The following XPA variants were observed in gnomAD, a reference collection of about 807,000 sequenced individuals.
The protein encoded by XPA is XPA, DNA damage recognition and repair factor, also known as DNA repair protein complementing XP-A cells.
A neutral mutation model predicts 35.7 loss-of-function variants in XPA; 27 were observed. That is an observed-to-expected ratio of 0.76 (90% CI 0.56 to 1.04). The LOEUF is 1.04. Among genes scored for constraint, XPA ranks in the 50% least tolerant of loss-of-function variants. The pLI is 0.00. For missense variants in XPA, 354 were observed against 342.7 expected, an observed-to-expected ratio of 1.03 and a Z score of -0.26; for synonymous variants, 133 against 118.4, an observed-to-expected ratio of 1.12 and a Z score of -0.80.
At chr9:97,680,352 G>A (rs996361866) in intron 5 of XPA, among the ~76,000 whole-genome samples, 2 of 152,094 alleles carry the variant, frequency 1.3e-5, no homozygotes. Context: ...GGGACTACAG[G>A]CACACACCAT....
intron 5 of XPA, among the ~76,000 whole-genome samples, chr9:97,680,937 T>C (rs925655359): frequency 2.6e-5 from 4 of 152,206 alleles, no homozygotes; most frequent in Non-Finnish European, 5.9e-5. Flanking sequence ...CCTAGTTCCA[T>C]TGGCCTAGAA....
chr9:97,682,571 C>CGT, intron 5 of XPA: 1 of 429,670 alleles, frequency 2.3e-6, no homozygotes. Flanking sequence ...TTTCTATTTA[C>CGT]AGAGACACTT....
chr9:97,669,017 A>C, the XPA span: 2 of 1,525,666 alleles, frequency 1.3e-6, no homozygotes, highest in Non-Finnish European at 1.8e-6. Flanking sequence ...GAAACAATAC[A>C]TTTCTTTAGT....
rs3176669 is a variant in XPA at position 97,689,274 on chromosome 9, A to C, written c.389+260T>G. Among the ~76,000 whole-genome samples the C allele has an allele frequency of 0.12, 17,960 of 152,016 alleles. 3,012 individuals are homozygous for C. Among genetic ancestry groups the C allele is most frequent in the African/African-American group, 0.37 (15,153 of 41,396 alleles). On this transcript the variant is annotated intron_variant, in intron 3 of 5. Coordinates refer to ENST00000375128, the MANE Select transcript of XPA (RefSeq NM_000380.4). ...CGTTAAAAAACAAAAACAAAAAAAAACTCAGGCCAGCAGAAAAAGAAAAGG... is the reference window on the plus strand; with the variant it reads ...CGTTAAAAAACAAAAACAAAAAAAACCTCAGGCCAGCAGAAAAAGAAAAGG...
chr9:97,664,305 G>A, the XPA span: 1 of 1,303,058 alleles, frequency 7.7e-7, no homozygotes. Context: ...GTGTATGTGT[G>A]TGTGTGATTT....
chr9:97,689,051 G>A (rs1828804548), intron 3 of XPA, among the ~76,000 whole-genome samples: 1 of 152,144 alleles, frequency 6.6e-6, no homozygotes. Flanking sequence ...GAAAAAGAAT[G>A]GAAGAATATA....
At position 97,692,457 on chromosome 9, in the gene XPA, A is replaced by C. The variant is rs542341517; in HGVS notation, c.283+1192T>G. 5.3e-5 allele frequency among the ~76,000 whole-genome samples: 8 copies of C among 152,312 alleles called. No homozygotes were observed. In the South Asian group the frequency reaches 1.2e-3, roughly 24 times the overall value. On this transcript the variant is annotated intron_variant, in intron 2 of 5. Transcript: ENST00000375128. ...TCATGCTTTTTTTGTAGAATATTAG[A>C]GAAGCATATCTATAGACAAAAGGAA...
the XPA span, among the ~76,000 whole-genome samples, chr9:97,661,549 A>G: frequency 6.6e-6 from 1 of 152,228 alleles, no homozygotes. Context: ...ATATGCACAT[A>G]GAAAAACTAC....
chr9:97,658,515 C>G, the XPA span: 1 of 702,550 alleles, frequency 1.4e-6, no homozygotes, highest in South Asian at 1.8e-5. Flanking sequence ...TTTTTTTTCC[C>G]TTTCACTTCT....
At position 97,697,175 on chromosome 9, in the gene XPA, G is replaced by T; in HGVS notation, c.118C>A (p.Gln40Lys). The T allele has an allele frequency of 6.3e-7, 1 of 1,588,562 alleles. No individual in the cohort carries two copies. ...TAGGGCCGGGCAGCCAGCCGGGCCTGGCGCAGCATCAGTGCCCGCTGCCGC... is the reference window on the plus strand; with the variant it reads ...TAGGGCCGGGCAGCCAGCCGGGCCTTGCGCAGCATCAGTGCCCGCTGCCGC... ...RKRQRALMLR[Q>K]ARLAARPYSA... The change falls in exon 1 of 6, where the codon CAG (glutamine) becomes AAG (lysine). Residue 40 changes from glutamine to lysine, a missense_variant. Transcript: ENST00000375128.
the XPA span, chr9:97,656,168 A>G: frequency 4.4e-6 from 5 of 1,147,496 alleles, 1 homozygote; most frequent in Admixed American, 6.3e-5. Context: ...TGTTCAGAAT[A>G]TTGGATTCAA....
In XPA at chr9:97,684,999, T is replaced by C; in HGVS notation, c.597A>G (p.Ala199=). 1 of 1,613,754 alleles carries C rather than the reference T, an allele frequency of 6.2e-7. No individual in the cohort carries two copies. The highest frequency in any genetic ancestry group is 8.5e-7 in the Non-Finnish European group (1 of 1,179,862). The change falls in exon 5 of 6, where the codon GCA becomes GCG. Residue 199 remains alanine, a synonymous_variant. Coordinates refer to ENST00000375128, the MANE Select transcript of XPA (RefSeq NM_000380.4). The part of the protein sequence containing the change: ...RSLEVWGSQE[A]LEEAKEVRQE... The stretch of plus-strand genomic sequence containing the variant: ...GTCGGACTTCCTTTGCTTCTTCTAA[T>C]GCTTCTTGACTACCCCAAACTTCAA...
At chr9:97,677,480 C>G (rs1218080918) in intron 5 of XPA, among the ~76,000 whole-genome samples, 1 of 152,008 alleles carries the variant, frequency 6.6e-6, no homozygotes, top group Admixed American at 6.6e-5. Flanking sequence ...CAAGACCAGC[C>G]TGGGCAACAC....
chr9:97,669,091 T>G, the XPA span: 20 of 1,201,042 alleles, frequency 1.7e-5, no homozygotes, highest in African/African-American at 2.7e-4. Context: ...TAGAAGAGAT[T>G]AAAAATACAA....
chr9:97,691,761 T>C (rs920083042), intron 2 of XPA, among the ~76,000 whole-genome samples: 1 of 151,490 alleles, frequency 6.6e-6, no homozygotes. Flanking sequence ...TGTGTGCCTG[T>C]AGTCCCAGCT....
chr9:97,673,197 C>T (rs375412035), downstream of XPA: 2 of 151,830 alleles, frequency 1.3e-5, no homozygotes, highest in East Asian at 1.9e-4. Flanking sequence ...ATTGGTAAGT[C>T]AGCAGTGGGC....
intron 5 of XPA, among the ~76,000 whole-genome samples, chr9:97,677,903 G>T (rs949584395): frequency 3.9e-5 from 6 of 152,046 alleles, no homozygotes; most frequent in Non-Finnish European, 8.8e-5. Flanking sequence ...ATAGGGCTTT[G>T]ATCAAGTCAC....
chr9:97,669,025 A>C, the XPA span: 56 of 1,504,818 alleles, frequency 3.7e-5, no homozygotes, highest in Middle Eastern at 1.3e-3. Flanking sequence ...ACATTTCTTT[A>C]GTTTTAGTTT....
intron 5 of XPA, among the ~76,000 whole-genome samples, chr9:97,684,384 CTA>C (rs1402400091): frequency 6.6e-6 from 1 of 152,184 alleles, no homozygotes; most frequent in African/African-American, 2.4e-5. Flanking sequence ...AGAGAAATGA[CTA>C]CTTCATGGAG....
Sources: allele counts gnomAD v4.1 joint callset (sites outside exome capture counted in the v4.1 genomes callset), GRCh38; gene constraint gnomAD v4.1.1; transcripts MANE v1.5; gene names NCBI Gene and HGNC (gene_info 2026-07-23, HGNC 2026-07-21).